The following GRB2 variants were observed in gnomAD, a reference collection of about 807,000 sequenced individuals.
The protein encoded by GRB2 is growth factor receptor-bound protein 2.
In GRB2, 2 loss-of-function variants were observed where a neutral mutation model predicts 27.4. The observed-to-expected ratio is 0.07, with a 90% CI of 0.03 to 0.23. GRB2 has a LOEUF of 0.23. GRB2 is among the 10% of genes least tolerant of loss of function. The probability of loss-of-function intolerance (pLI) is 1.00; values close to 1 mark genes in which losing one functional copy is unlikely to be tolerated. For synonymous variants in GRB2, 94 were observed against 99.6 expected (o/e 0.94, Z 0.33); for missense variants, 102 against 282.4 (o/e 0.36, Z 4.58).
chr17:75,382,703 T>TTCTA (rs2078936809), intron 2 of GRB2, among the ~76,000 whole-genome samples: 1 of 150,816 alleles, frequency 6.6e-6, no homozygotes, highest in South Asian at 2.1e-4. Flanking sequence ...ATCCTAAGAT[T>TTCTA]TTTATTTATT....
intron 2 of GRB2, among the ~76,000 whole-genome samples, chr17:75,385,811 G>A (rs375321047): frequency 1.3e-5 from 2 of 152,180 alleles, no homozygotes; most frequent in Non-Finnish European, 2.9e-5. Flanking sequence ...CCATTTAAAC[G>A]TTTCTCTGTG....
intron 2 of GRB2, among the ~76,000 whole-genome samples, chr17:75,349,668 C>T (rs572281476): frequency 1.3e-5 from 2 of 152,092 alleles, no homozygotes; most frequent in South Asian, 2.1e-4. Flanking sequence ...TGCAGGCGCC[C>T]ACCACCACGC....
chr17:75,385,370 C>T (rs921023965), intron 2 of GRB2, among the ~76,000 whole-genome samples: 1 of 151,984 alleles, frequency 6.6e-6, no homozygotes, highest in Admixed American at 6.6e-5. Context: ...AACACTGTCT[C>T]TACTAAAAAT....
At chr17:75,324,352 G>C (rs12938183) in intron 4 of GRB2, among the ~76,000 whole-genome samples, 89,229 of 145,374 alleles carry the variant, frequency 0.61, 31,263 homozygotes, top group East Asian at 0.87. Flanking sequence ...CCACCACGCC[G>C]AGGCCATTTT....
intron 2 of GRB2, among the ~76,000 whole-genome samples, chr17:75,382,582 T>C (rs1414447940): frequency 1.3e-5 from 2 of 152,196 alleles, no homozygotes; most frequent in Non-Finnish European, 2.9e-5. Flanking sequence ...CAATATGTAG[T>C]TCTTTTGATA....
chr17:75,378,714 GAAC>G (rs2078909941), intron 2 of GRB2, among the ~76,000 whole-genome samples: 1 of 152,124 alleles, frequency 6.6e-6, no homozygotes, highest in African/African-American at 2.4e-5. Context: ...CCAAGTTTAC[GAAC>G]AACTACAGTA....
At chr17:75,324,517 T>TTTGTTG (rs2078484302) in intron 4 of GRB2, among the ~76,000 whole-genome samples, 1 of 76,076 alleles carries the variant, frequency 1.3e-5, no homozygotes, top group African/African-American at 4.1e-5. Flanking sequence ...GTTTTTTTTT[T>TTTGTTG]TTTTTTTTTT....
At chr17:75,346,817 C>A (rs2078658512) in intron 2 of GRB2, among the ~76,000 whole-genome samples, 1 of 152,010 alleles carries the variant, frequency 6.6e-6, no homozygotes, top group Non-Finnish European at 1.5e-5. Context: ...GTCACCTTGG[C>A]CTCTCAAAGT....
intron 2 of GRB2, among the ~76,000 whole-genome samples, chr17:75,366,748 G>A (rs188120483): frequency 6.6e-6 from 1 of 152,242 alleles, no homozygotes; most frequent in Non-Finnish European, 1.5e-5. Flanking sequence ...GGAGGTGGAG[G>A]TTGCAGTGAG....
chr17:75,374,156 A>C (rs1267998884), intron 2 of GRB2, among the ~76,000 whole-genome samples: 1 of 151,808 alleles, frequency 6.6e-6, no homozygotes. Context: ...TTGTAATCCT[A>C]GCACTTTGGG....
At chr17:75,364,772 G>C (rs1163942425) in intron 2 of GRB2, among the ~76,000 whole-genome samples, 3 of 151,728 alleles carry the variant, frequency 2.0e-5, no homozygotes, top group Non-Finnish European at 4.4e-5. Context: ...AGAATAACAG[G>C]ATTACTCTAA....
chr17:75,375,595 A>C (rs932361576), intron 2 of GRB2, among the ~76,000 whole-genome samples: 2 of 152,190 alleles, frequency 1.3e-5, no homozygotes, highest in African/African-American at 4.8e-5. Context: ...ATGAAAATAG[A>C]AATCAGCCGG....
rs912529972 is a variant in GRB2, at chr17:75,381,534, T to C, written c.78+12017A>G. Among the ~76,000 whole-genome samples, 3 of 151,046 alleles carry C rather than the reference T, an allele frequency of 2.0e-5. No homozygotes were observed. The South Asian group carries it at 6.3e-4, about 32-fold the overall frequency. On this transcript the variant is annotated intron_variant, in intron 2 of 5. Coordinates refer to ENST00000316804, the MANE Select transcript of GRB2 (RefSeq NM_002086.5). ...GAGTTCGAGACCAGCCTGGCCAACA[T>C]AGTGAAACCCTCGTCTCTACTAAAA...
chr17:75,352,299 A>G (rs1055808816), intron 2 of GRB2, among the ~76,000 whole-genome samples: 3 of 152,088 alleles, frequency 2.0e-5, no homozygotes, highest in African/African-American at 4.8e-5. Context: ...TTCTCTAAGC[A>G]CCTACACGCT....
At chr17:75,404,370 C>T (rs1245408963) in intron 1 of GRB2, among the ~76,000 whole-genome samples, 1 of 151,966 alleles carries the variant, frequency 6.6e-6, no homozygotes, top group Non-Finnish European at 1.5e-5. Flanking sequence ...CTGCAGGGAA[C>T]GCAGGGGACG....
chr17:75,351,999 G>A (rs1465061311), intron 2 of GRB2, among the ~76,000 whole-genome samples: 1 of 152,212 alleles, frequency 6.6e-6, no homozygotes, highest in Non-Finnish European at 1.5e-5. Flanking sequence ...GGACATCAGG[G>A]TTCAGGATAT....
intron 2 of GRB2, among the ~76,000 whole-genome samples, chr17:75,364,904 C>G (rs1225461563): frequency 6.6e-6 from 1 of 151,856 alleles, no homozygotes; most frequent in African/African-American, 2.4e-5. Flanking sequence ...AATCTACTAA[C>G]TACTTATTTA....
chr17:75,380,345 G>GT (rs1555612358), intron 2 of GRB2, among the ~76,000 whole-genome samples: 40 of 69,266 alleles, frequency 5.8e-4, no homozygotes, highest in African/African-American at 1.2e-3. Flanking sequence ...ATAGCTTGTA[G>GT]TAAAAAAAAA....
chr17:75,367,611 A>G (rs934083039), intron 2 of GRB2, among the ~76,000 whole-genome samples: 8 of 152,252 alleles, frequency 5.3e-5, no homozygotes, highest in Admixed American at 3.9e-4. Context: ...CTTGTGAGAA[A>G]TGAGTTCAGC....
Sources: gnomAD v4.1 joint callset for allele counts (sites outside exome capture counted in the v4.1 genomes callset) on GRCh38, gnomAD v4.1.1 for gene constraint, MANE v1.5 for transcripts, NCBI Gene and HGNC (gene_info 2026-07-23, HGNC 2026-07-21) for gene names.